Variants in TBC1D10A observed in about 807,000 individuals in gnomAD.
TBC1D10A encodes the protein EBP50-PDX interactor of 64 kDa.
Under a neutral mutation model 52.9 loss-of-function variants are expected in TBC1D10A, and 24 were observed. The observed-to-expected ratio is 0.45, with a 90% CI of 0.33 to 0.64. The LOEUF (loss-of-function observed/expected upper bound fraction) is 0.64, where lower values mean the gene tolerates loss of function less well. Ranked by LOEUF, TBC1D10A falls within the 30% of genes least tolerant of loss-of-function variation. The probability of loss-of-function intolerance (pLI) is 0.02; values close to 1 mark genes in which losing one functional copy is unlikely to be tolerated. For missense variants in TBC1D10A, 602 were observed against 687.9 expected, an observed-to-expected ratio of 0.88 and a Z score of 1.40; for synonymous variants, 278 against 282.9, an observed-to-expected ratio of 0.98 and a Z score of 0.17.
chr22:30,295,093 G>A (rs915012355), intron 4 of TBC1D10A, 38 bp from the exon 5 acceptor site: 3 of 1,599,998 alleles, frequency 1.9e-6, no homozygotes, highest in Non-Finnish European at 2.6e-6. Context: ...TGACCGGGGT[G>A]ACTCTGCTAC....
chr22:30,301,238 C>A (rs984597230), intron 2 of TBC1D10A, among the ~76,000 whole-genome samples: 1 of 151,996 alleles, frequency 6.6e-6, no homozygotes, highest in Non-Finnish European at 1.5e-5. Flanking sequence ...TCAAGGTGGG[C>A]AAGGACAAAG....
intron 1 of TBC1D10A, among the ~76,000 whole-genome samples, chr22:30,321,980 C>CT (rs869153008): frequency 0.017 from 2,324 of 139,250 alleles, 34 homozygotes; most frequent in Middle Eastern, 0.033. Context: ...GGTCCTGGGC[C>CT]TTTTTTTTTT....
chr22:30,321,948 GAAAAC>G (rs1930661226), intron 1 of TBC1D10A, among the ~76,000 whole-genome samples: 1 of 150,294 alleles, frequency 6.7e-6, no homozygotes, highest in Non-Finnish European at 1.5e-5. Context: ...CTTCCCTGCT[GAAAAC>G]ATCTTTTTCC....
chr22:30,325,662 G>C (rs1171846820), intron 1 of TBC1D10A, among the ~76,000 whole-genome samples: 1 of 152,106 alleles, frequency 6.6e-6, no homozygotes, highest in Non-Finnish European at 1.5e-5. Flanking sequence ...GATTCTGTGG[G>C]GCAACATGGG....
At chr22:30,293,056 C>A in intron 8 of TBC1D10A, 6 of 629,638 alleles carry the variant, frequency 9.5e-6, no homozygotes. Flanking sequence ...TGAGACCCAC[C>A]GCCTCAGAGG....
rs1361539090 is a variant in TBC1D10A at position 30,326,837 on chromosome 22, G to A, written c.45C>T (p.Ala15=). Residue 15 remains alanine (A), a synonymous_variant, in exon 1 of 9, where the codon GCC becomes GCT. Transcript: ENST00000215790. The part of the protein sequence containing the change: ...NGENGPRAPA[A]GESLSGTRES... Reference sequence around the variant, plus strand: ...CCCGGGTTCCCGACAGGCTTTCCCCGGCCGCGGGCGCGCGCGGCCCATTCT... The same window carrying A: ...CCCGGGTTCCCGACAGGCTTTCCCCAGCCGCGGGCGCGCGCGGCCCATTCT... 2 of 1,475,060 alleles carry A rather than the reference G, an allele frequency of 1.4e-6. 1 individual carries two copies. Among genetic ancestry groups the A allele is most frequent in the Middle Eastern group, 3.7e-4 (2 of 5,394 alleles). The allele number at this position is 1,475,060 out of a possible 1,614,324, so 91.4% of individuals were successfully genotyped here.
intron 3 of TBC1D10A, chr22:30,298,286 AC>A (rs1930126839): frequency 6.6e-6 from 1 of 152,224 alleles, no homozygotes. Context: ...AGATGTAGCC[AC>A]TAGGAGGAAG....
intron 1 of TBC1D10A, among the ~76,000 whole-genome samples, chr22:30,317,131 G>A (rs921081578): frequency 1.3e-5 from 2 of 152,206 alleles, no homozygotes; most frequent in Admixed American, 6.5e-5. Context: ...ACTTTTGACC[G>A]GCATGGTGGC....
chr22:30,292,879 G>A (rs890946603), intron 8 of TBC1D10A, 28 bp from the exon 9 acceptor site: 1 of 1,608,188 alleles, frequency 6.2e-7, no homozygotes, highest in Non-Finnish European at 8.5e-7. Context: ...CAGGCAAGTG[G>A]ACACCAAGAA....
At position 30,316,427 on chromosome 22, in the gene TBC1D10A, A is replaced by G. The variant is rs183025659; in HGVS notation, c.209+10246T>C. On this transcript the variant is annotated intron_variant, in intron 1 of 8. Transcript: ENST00000215790. ...CTCCCCTGAACTTGCGTGGTACCAC[A>G]TAGAGAACTTCTCAAAGCACTGTTT... Among the ~76,000 whole-genome samples the G allele has an allele frequency of 3.3e-5, 5 of 151,818 alleles. No individual in the cohort carries two copies. In the East Asian group the frequency reaches 7.7e-4, roughly 24 times the overall value.
intron 1 of TBC1D10A, among the ~76,000 whole-genome samples, chr22:30,313,550 A>ATTTTTTTTTT (rs35640957): frequency 2.4e-5 from 1 of 42,200 alleles, no homozygotes; most frequent in Non-Finnish European, 3.7e-5. Context: ...CGGCCAGCTA[A>ATTTTTTTTTT]TTTTTTTTTT....
intron 1 of TBC1D10A, among the ~76,000 whole-genome samples, chr22:30,321,177 G>C (rs1930644674): frequency 6.6e-6 from 1 of 152,204 alleles, no homozygotes; most frequent in Non-Finnish European, 1.5e-5. Context: ...TCTTGTCTGA[G>C]GACCTAACAC....
rs77842957 is a variant in TBC1D10A at position 30,292,350 on chromosome 22, G to A, written c.*25C>T. 4.8e-3 allele frequency: 7,197 copies of A among 1,510,790 alleles called. 267 individuals carry two copies. The African/African-American group carries it at 0.085, about 18-fold the overall frequency. 93.6% of individuals were successfully genotyped at this position (1,510,790 alleles called of 1,614,324 possible). ...AACCGTGTAGTTATATGGAGACCCC[G>A]CCCTGGAGGCCTTAGCTGCCAGGGT... On this transcript the variant is annotated 3_prime_UTR_variant, in exon 9 of 9. Coordinates refer to ENST00000215790, the MANE Select transcript of TBC1D10A (RefSeq NM_031937.3).
chr22:30,326,580 G>A, intron 1 of TBC1D10A, 93 bp downstream of exon 1: 1 of 1,239,146 alleles, frequency 8.1e-7, no homozygotes, highest in South Asian at 1.5e-5. Context: ...GCCTGGGAGG[G>A]GGACGTGTCG....
intron 5 of TBC1D10A, 33 bp downstream of exon 5, chr22:30,294,908 C>A: frequency 6.2e-7 from 1 of 1,614,038 alleles, no homozygotes; most frequent in South Asian, 1.1e-5. Context: ...GGTTCCCCAC[C>A]CACCCCCCTG....
At chr22:30,317,473 A>G (rs1393660506) in intron 1 of TBC1D10A, among the ~76,000 whole-genome samples, 1 of 152,218 alleles carries the variant, frequency 6.6e-6, no homozygotes, top group Non-Finnish European at 1.5e-5. Context: ...TCACACAGCT[A>G]GTTAGTGGCT....
In TBC1D10A at chr22:30,293,825, T is replaced by C; in HGVS notation, c.896-20A>G. ...TGACCCCTGCATGGGGGATGGGCAGTAAGTACAAGGAAGCTTTTTGGGGTT... is the reference window on the plus strand; with the variant it reads ...TGACCCCTGCATGGGGGATGGGCAGCAAGTACAAGGAAGCTTTTTGGGGTT... On this transcript the variant is annotated intron_variant, in intron 7 of 8. Transcript: ENST00000215790. 6.2e-7 allele frequency: 1 copy of C among 1,605,684 alleles called. No individual in the cohort carries two copies. Among genetic ancestry groups the C allele is most frequent in the Non-Finnish European group, 8.5e-7 (1 of 1,173,476 alleles).
intron 1 of TBC1D10A, among the ~76,000 whole-genome samples, chr22:30,319,477 TTGG>T (rs1401740307): frequency 6.6e-6 from 1 of 152,192 alleles, no homozygotes; most frequent in Non-Finnish European, 1.5e-5. Flanking sequence ...AAAGTAAGCC[TTGG>T]TTTGCTCTCC....
intron 1 of TBC1D10A, among the ~76,000 whole-genome samples, chr22:30,306,820 C>T (rs578180776): frequency 6.6e-6 from 1 of 152,256 alleles, no homozygotes; most frequent in East Asian, 1.9e-4. Context: ...CTCAGCGTAC[C>T]ACATGCTCTC....
Sources: gnomAD v4.1 joint callset for allele counts (sites outside exome capture counted in the v4.1 genomes callset) on GRCh38, gnomAD v4.1.1 for gene constraint, MANE v1.5 for transcripts, NCBI Gene and HGNC (gene_info 2026-07-23, HGNC 2026-07-21) for gene names.